The following ZNF256 variants were observed in gnomAD, a reference collection of about 807,000 sequenced individuals.
The protein encoded by ZNF256 is bone marrow zinc finger 3.
ZNF256 carries 4 observed loss-of-function variants against 7.9 expected under a neutral mutation model. That is an observed-to-expected ratio of 0.50 (90% CI 0.25 to 1.15). ZNF256 has a LOEUF of 1.15. ZNF256 is among the 50% of genes most tolerant of loss of function. The pLI is 0.15. For synonymous variants in ZNF256, 260 were observed against 260.4 expected (o/e 1.00, Z 0.02); for missense variants, 666 against 755.9 (o/e 0.88, Z 1.39).
chr19:57,944,206 T>C (rs906470511), intron 1 of ZNF256, 146 bp from the exon 2 acceptor site: 1 of 1,198,406 alleles, frequency 8.3e-7, no homozygotes, highest in Non-Finnish European at 1.2e-6. Context: ...CAGCTGGTGC[T>C]GTTGTCTCCT....
At position 57,941,687 on chromosome 19, in the gene ZNF256, G is replaced by C. The variant is rs146745734; in HGVS notation, c.1121C>G (p.Thr374Ser). 1.2e-6 allele frequency: 2 copies of C among 1,613,950 alleles called. No individual in the cohort carries two copies. Among genetic ancestry groups the C allele is most frequent in the Non-Finnish European group, 1.7e-6 (2 of 1,179,982 alleles). Residue 374 changes from threonine to serine, a missense_variant, in exon 3 of 3, where the codon ACT (threonine) becomes AGT (serine). Transcript: ENST00000282308. ...ACTGCACATATAAGGCCTTGTACCAGTGTGAACTCTCTGGTGTGTAATAAG... is the reference window on the plus strand; with the variant it reads ...ACTGCACATATAAGGCCTTGTACCACTGTGAACTCTCTGGTGTGTAATAAG... ...SSLITHQRVH[T>S]GTRPYMCSEC...
Position 57,947,662 on chromosome 19 carries a change from G to T in ZNF256, c.-188C>A. On this transcript the variant is annotated 5_prime_UTR_variant, in exon 1 of 3. It adds an upstream start codon to the 5' untranslated region. Transcript: ENST00000282308. Reference sequence around the variant, plus strand: ...GGCTTTCTACCAAGTAATCAGTCCAGACAAATGCCAAAACGACCGCCACAA... The same window carrying T: ...GGCTTTCTACCAAGTAATCAGTCCATACAAATGCCAAAACGACCGCCACAA... 2.0e-6 allele frequency: 1 copy of T among 494,426 alleles called. No homozygotes were observed. Among genetic ancestry groups the T allele is most frequent in the Non-Finnish European group, 3.2e-6 (1 of 312,512 alleles). The allele number at this position is 494,426 out of a possible 1,614,324, so 30.6% of individuals were successfully genotyped here.
intron 2 of ZNF256, 114 bp downstream of exon 2, chr19:57,943,820 G>C: frequency 7.0e-7 from 1 of 1,419,336 alleles, no homozygotes; most frequent in Non-Finnish European, 9.6e-7. Flanking sequence ...CGCAGCACCT[G>C]CCCAGGAACA....
Position 57,943,935 on chromosome 19 carries a change from C to T in ZNF256, c.159G>A (p.Leu53=), listed in dbSNP as rs780317555. 1 of 1,613,896 alleles carries T rather than the reference C, an allele frequency of 6.2e-7. No homozygotes were observed. The highest frequency in any genetic ancestry group is 1.7e-5 in the Admixed American group (1 of 59,982). ...MLENLTLTTS[L]GGSGAGDEEA... ...TAGAGGTGGGTGTGAGGACCTTACC[C>T]AGGGAGGTTGTAAGTGTCAAGTTCT... Residue 53 remains leucine (L), a splice_region_variant and synonymous_variant, in exon 2 of 3, where the codon CTG becomes CTA. Transcript: ENST00000282308.
chr19:57,944,600 G>A (rs940561800), intron 1 of ZNF256, among the ~76,000 whole-genome samples: 6 of 152,158 alleles, frequency 3.9e-5, no homozygotes, highest in East Asian at 1.9e-4. Context: ...CGAGGTGGGC[G>A]GATCACGAGG....
rs187462688 is a variant in ZNF256 at position 57,941,957 on chromosome 19, G to A, written c.851C>T (p.Thr284Met). The change falls in exon 3 of 3, where the codon ACG (threonine) becomes ATG (methionine). Residue 284 changes from threonine to methionine, a missense_variant. By Grantham distance (81) the Thr-to-Met change is moderately conservative. Coordinates refer to ENST00000282308, the MANE Select transcript of ZNF256 (RefSeq NM_005773.3). ...TACTCCAGTGTGAATTCTTCGGTGC[G>A]TAATAAGGCTAGAGCTTTGCCTATA... ...KSYRQSSSLI[T>M]HRRIHTGVRP... 1.3e-5 allele frequency: 21 copies of A among 1,614,114 alleles called. No individual in the cohort carries two copies. The highest frequency in any genetic ancestry group is 5.3e-5 in the African/African-American group (4 of 75,030).
chr19:57,947,356 G>C (rs2072774286), intron 1 of ZNF256, 86 bp downstream of exon 1: 1 of 1,202,462 alleles, frequency 8.3e-7, no homozygotes, highest in Non-Finnish European at 1.1e-6. Flanking sequence ...TCCTGTCCTG[G>C]GCAGCAGGGC....
Position 57,941,265 on chromosome 19 carries a change from C to G in ZNF256, c.1543G>C (p.Gly515Arg). Reference protein sequence around the residue: ...TLLQHQRVHTGERPYECNECG... With the variant: ...TLLQHQRVHTRERPYECNECG... Reference sequence around the variant, plus strand: ...TCATTGCACTCATAAGGCCTTTCTCCAGTGTGAACTCTCTGGTGTTGAAGG... The same window carrying G: ...TCATTGCACTCATAAGGCCTTTCTCGAGTGTGAACTCTCTGGTGTTGAAGG... The change falls in exon 3 of 3, where the codon GGA becomes CGA. Residue 515 changes from glycine to arginine, a missense_variant. Transcript: ENST00000282308. 6.2e-7 allele frequency: 1 copy of G among 1,614,182 alleles called. No individual in the cohort carries two copies. The highest frequency in any genetic ancestry group is 8.5e-7 in the Non-Finnish European group (1 of 1,180,032).
Position 57,941,849 on chromosome 19 carries a change from T to C in ZNF256, c.959A>G (p.Glu320Gly). The change falls in exon 3 of 3, where the codon GAA (glutamate) becomes GGA (glycine). Residue 320 changes from glutamate to glycine, a missense_variant. Physicochemically the swap from Glu to Gly is moderately conservative, Grantham distance 98. Transcript: ENST00000282308. Reference protein sequence around the residue: ...LLIHQRVHTGERPYKCSECGK... With the variant: ...LLIHQRVHTGGRPYKCSECGK... ...ACATTCACTGCACTTGTAAGGCCTT[T>C]CTCCAGTATGAACTCTCTGATGTAT... 1 of 1,614,146 alleles carries C rather than the reference T, an allele frequency of 6.2e-7. No homozygotes were observed. The highest frequency in any genetic ancestry group is 8.5e-7 in the Non-Finnish European group (1 of 1,180,018).
chr19:57,944,717 AGGAGG>A (rs1189012647), intron 1 of ZNF256, among the ~76,000 whole-genome samples: 3 of 152,082 alleles, frequency 2.0e-5, no homozygotes, highest in Non-Finnish European at 4.4e-5. Flanking sequence ...CCAGCTACTC[AGGAGG>A]CTGAGGCAGG....
In ZNF256 at chr19:57,941,446, C is replaced by G. The variant is rs1269666361; in HGVS notation, c.1362G>C (p.Glu454Asp). ...ATGGCCTTTCTCCTGTGTGAACTCT[C>G]TCATGTACAATGAGGTCAAATTTCC... Reference protein sequence around the residue: ...FSRKFDLIVHERVHTGERPYE... With the variant: ...FSRKFDLIVHDRVHTGERPYE... Residue 454 changes from glutamate (E) to aspartate (D), a missense_variant, in exon 3 of 3, where the codon GAG (glutamate) becomes GAC (aspartate). By Grantham distance (45) the Glu-to-Asp change is conservative (BLOSUM62 2). Transcript: ENST00000282308. 1 of 1,614,164 alleles carries G rather than the reference C, an allele frequency of 6.2e-7. No individual in the cohort carries two copies. Among genetic ancestry groups the G allele is most frequent in the South Asian group, 1.1e-5 (1 of 91,088 alleles).
intron 1 of ZNF256, among the ~76,000 whole-genome samples, chr19:57,944,769 T>G (rs967580579): frequency 6.6e-6 from 1 of 151,718 alleles, no homozygotes; most frequent in African/African-American, 2.4e-5. Context: ...GAGGTGGAGG[T>G]TGCAATGAGC....
Position 57,941,084 on chromosome 19 carries a change from T to A in ZNF256, c.1724A>T (p.Tyr575Phe). Reference sequence around the variant, plus strand: ...GGATTTTCCACATTCACTGCATTCATAAGGCCTTTCTCCGGTATGAACTCT... The same window carrying A: ...GGATTTTCCACATTCACTGCATTCAAAAGGCCTTTCTCCGGTATGAACTCT... ...HRRVHTGERP[Y>F]ECSECGKSFS... Residue 575 changes from tyrosine (Y) to phenylalanine (F), a missense_variant, in exon 3 of 3, where the codon TAT becomes TTT. Transcript: ENST00000282308. The A allele has an allele frequency of 6.2e-7, 1 of 1,614,214 alleles. No individual in the cohort carries two copies. Among genetic ancestry groups the A allele is most frequent in the Non-Finnish European group, 8.5e-7 (1 of 1,180,028 alleles).
At position 57,944,684 on chromosome 19, in the gene ZNF256, C is replaced by T. The variant is rs747687864; in HGVS notation, c.34-624G>A. 5.3e-5 allele frequency among the ~76,000 whole-genome samples: 8 copies of T among 152,036 alleles called. No individual in the cohort carries two copies. The East Asian group carries it at 5.9e-4, about 11-fold the overall frequency. The stretch of plus-strand genomic sequence containing the variant: ...CTAAAAATACAAAAGATCAGCCAGG[C>T]GTGGTGGCACACGGCTGTAGTACCA... On this transcript the variant is annotated intron_variant, in intron 1 of 2. Coordinates refer to ENST00000282308, the MANE Select transcript of ZNF256 (RefSeq NM_005773.3).
Position 57,941,089 on chromosome 19 carries a change from C to A in ZNF256, c.1719G>T (p.Arg573Ser). The change falls in exon 3 of 3, where the codon AGG (arginine) becomes AGT (serine). Residue 573 changes from arginine (R) to serine (S), a missense_variant. Transcript: ENST00000282308. ...TTCCACATTCACTGCATTCATAAGGCCTTTCTCCGGTATGAACTCTTCGGT... is the reference window on the plus strand; with the variant it reads ...TTCCACATTCACTGCATTCATAAGGACTTTCTCCGGTATGAACTCTTCGGT... ...VKHRRVHTGE[R>S]PYECSECGKS... 6.2e-7 allele frequency: 1 copy of A among 1,614,136 alleles called. No individual in the cohort carries two copies. The highest frequency in any genetic ancestry group is 8.5e-7 in the Non-Finnish European group (1 of 1,180,010).
At position 57,942,499 on chromosome 19, in the gene ZNF256, C is replaced by T. The variant is rs776787199; in HGVS notation, c.309G>A (p.Leu103=). The T allele has an allele frequency of 1.2e-6, 2 of 1,614,218 alleles. No homozygotes were observed. The highest frequency in any genetic ancestry group is 3.3e-5 in the Admixed American group (2 of 60,020). Residue 103 remains leucine, a synonymous_variant, in exon 3 of 3, where the codon TTG becomes TTA. Transcript: ENST00000282308. ...EICGPVLRQI[L]HLVEHQGTHH... is the part of the protein sequence containing the mutation. ...GTGTTCCTTGGTGTTCAACCAAGTG[C>T]AAAATCTGTCTCAAGACTGGGCCAC...
rs2072721185 is a variant in ZNF256, at chr19:57,940,858, T to C, written c.*66A>G. On this transcript the variant is annotated 3_prime_UTR_variant, in exon 3 of 3. Coordinates refer to ENST00000282308, the MANE Select transcript of ZNF256 (RefSeq NM_005773.3). ...TTATTGAAAATACGTATTTATTTAT[T>C]TATGTCTGTGAATTTTGCAGGGACA... is the stretch of plus-strand genomic sequence containing the variant. The C allele has an allele frequency of 6.9e-7, 1 of 1,453,816 alleles. No homozygotes were observed. The highest frequency in any genetic ancestry group is 2.2e-5 in the Admixed American group (1 of 45,484). 90.1% of individuals were successfully genotyped at this position (1,453,816 alleles called of 1,614,324 possible).
chr19:57,944,419 A>G (rs2072752503), intron 1 of ZNF256, among the ~76,000 whole-genome samples: 1 of 152,198 alleles, frequency 6.6e-6, no homozygotes, highest in Non-Finnish European at 1.5e-5. Flanking sequence ...ATCATTCATT[A>G]CACTGCACAT....
chr19:57,943,906 G>A, intron 2 of ZNF256, 28 bp downstream of exon 2: 1 of 1,611,794 alleles, frequency 6.2e-7, no homozygotes, highest in Non-Finnish European at 8.5e-7. Context: ...GCTAGCTCGG[G>A]GCATAGAGGT....
Sources: allele counts gnomAD v4.1 joint callset (sites outside exome capture counted in the v4.1 genomes callset), GRCh38; gene constraint gnomAD v4.1.1; transcripts MANE v1.5; gene names NCBI Gene and HGNC (gene_info 2026-07-23, HGNC 2026-07-21).